The following CLIC5 variants were observed in gnomAD, a reference collection of about 807,000 sequenced individuals.
CLIC5 encodes the protein CLIC family member 5, also known as chloride intracellular channel protein 5.
In CLIC5, 20 loss-of-function variants were observed where a neutral mutation model predicts 24.7. The observed-to-expected ratio is 0.81, with a 90% CI of 0.57 to 1.18. The LOEUF is 1.18. Ranked by LOEUF, CLIC5 falls within the 50% of genes most tolerant of loss-of-function variation. The pLI is 0.00. For missense variants in CLIC5, 341 were observed against 326.1 expected (o/e 1.05, Z -0.35); for synonymous variants, 159 against 135.6 (o/e 1.17, Z -1.20).
chr6:46,091,058 T>C, the CLIC5 span, among the ~76,000 whole-genome samples: 2 of 152,226 alleles, frequency 1.3e-5, no homozygotes, highest in African/African-American at 2.4e-5. Flanking sequence ...CAGCGCGAAG[T>C]TGCTCTGAAC....
upstream of CLIC5, among the ~76,000 whole-genome samples, chr6:46,085,322 T>C (rs1383759466): frequency 1.3e-5 from 2 of 152,262 alleles, no homozygotes; most frequent in Admixed American, 1.3e-4. Context: ...GCTGAGGAAC[T>C]GCGTTCCTTT....
chr6:45,922,083 C>T (rs146130775), intron 4 of CLIC5, among the ~76,000 whole-genome samples: 98 of 152,316 alleles, frequency 6.4e-4, no homozygotes, highest in African/African-American at 2.3e-3. Flanking sequence ...ACTGTTCCCT[C>T]GTGTGGCGTC....
At chr6:46,076,218 TCTC>T (rs1581923013) in intron 1 of CLIC5, among the ~76,000 whole-genome samples, 2 of 152,136 alleles carry the variant, frequency 1.3e-5, no homozygotes, top group African/African-American at 4.8e-5. Flanking sequence ...TCCAGCCTCA[TCTC>T]CTACCACCTT....
chr6:46,089,439 G>A, the CLIC5 span, among the ~76,000 whole-genome samples: 6 of 152,014 alleles, frequency 3.9e-5, 1 homozygote, highest in Admixed American at 6.6e-5. Flanking sequence ...AGAACCCTAT[G>A]CAATAATGTT....
At chr6:46,066,870 A>T (rs950507405) in intron 1 of CLIC5, among the ~76,000 whole-genome samples, 1 of 152,160 alleles carries the variant, frequency 6.6e-6, no homozygotes, top group Non-Finnish European at 1.5e-5. Context: ...TGTTGTAGGC[A>T]GAGGTATCAG....
At chr6:45,962,842 C>T (rs1001735335) in intron 1 of CLIC5, among the ~76,000 whole-genome samples, 1 of 152,232 alleles carries the variant, frequency 6.6e-6, no homozygotes, top group Non-Finnish European at 1.5e-5. Context: ...AGGCTGCCTA[C>T]AACTTTGTAT....
rs56131491 is a variant in CLIC5 at position 45,949,404 on chromosome 6, G to T, written c.174-23C>A. ...TTTCTGTAGAGAGAGCAAGATTCAG[G>T]TGTTGGCTTACAGCAGGGTGCTTCC... On this transcript the variant is annotated intron_variant, in intron 2 of 5. Coordinates refer to ENST00000339561, the MANE Select transcript of CLIC5 (RefSeq NM_016929.5). 113,758 of 1,607,620 alleles carry T rather than the reference G, an allele frequency of 0.071. 4,507 individuals carry two copies. Among genetic ancestry groups the T allele is most frequent in the Non-Finnish European group, 0.081 (94,799 of 1,176,396 alleles).
intron 1 of CLIC5, among the ~76,000 whole-genome samples, chr6:46,001,035 C>A (rs987999038): frequency 2.0e-5 from 3 of 152,170 alleles, no homozygotes; most frequent in African/African-American, 7.2e-5. Context: ...GCATTTTTCT[C>A]CCACTCTGGA....
chr6:45,893,408 T>C (rs1485413839), intron 6 of CLIC5, among the ~76,000 whole-genome samples: 2 of 152,168 alleles, frequency 1.3e-5, no homozygotes, highest in Non-Finnish European at 1.5e-5. Flanking sequence ...TAATCTATGA[T>C]TTAAGACTGA....
At chr6:45,931,741 C>G (rs1166601178) in intron 4 of CLIC5, among the ~76,000 whole-genome samples, 1 of 152,224 alleles carries the variant, frequency 6.6e-6, no homozygotes, top group Admixed American at 6.5e-5. Flanking sequence ...TCACTGCGAC[C>G]TCTGCCTCCC....
chr6:46,020,981 A>G (rs1324042607), intron 1 of CLIC5, among the ~76,000 whole-genome samples: 2 of 151,872 alleles, frequency 1.3e-5, no homozygotes, highest in Admixed American at 1.3e-4. Flanking sequence ...GAATTCTACT[A>G]AACATTTTAG....
At chr6:46,109,059 G>C in the CLIC5 span, among the ~76,000 whole-genome samples, 1 of 151,930 alleles carries the variant, frequency 6.6e-6, no homozygotes, top group Admixed American at 6.6e-5. Flanking sequence ...ACATGTCTTA[G>C]GATATGTCAT....
intron 4 of CLIC5, among the ~76,000 whole-genome samples, chr6:45,922,648 G>A (rs898821500): frequency 2.0e-5 from 3 of 152,052 alleles, no homozygotes; most frequent in Non-Finnish European, 4.4e-5. Context: ...AAGGGAGGTA[G>A]GGACTCCAGA....
chr6:46,032,538 G>T (rs75467470), intron 1 of CLIC5, among the ~76,000 whole-genome samples: 2,736 of 152,254 alleles, frequency 0.018, 75 homozygotes, highest in African/African-American at 0.061. Flanking sequence ...AAAGGCCAAG[G>T]CATGCCAGCA....
In CLIC5 at chr6:45,914,351, A is replaced by G. The variant is rs770584485; in HGVS notation, c.465T>C (p.Pro155=). 1 of 1,606,100 alleles carries G rather than the reference A, an allele frequency of 6.2e-7. No individual in the cohort carries two copies. Among genetic ancestry groups the G allele is most frequent in the Non-Finnish European group, 8.5e-7 (1 of 1,174,100 alleles). The change falls in exon 5 of 6, where the codon CCT becomes CCC. Residue 155 remains proline, a synonymous_variant. Coordinates refer to ENST00000339561, the MANE Select transcript of CLIC5 (RefSeq NM_016929.5). ...TGTTGGCGTCAATCTCCTCTGGTAG[A>G]GGGGTGTTCAGGTAGTCATCCAATT... ...LKKLDDYLNT[P]LPEEIDANTC... is the part of the protein sequence containing the mutation.
At chr6:46,025,502 A>G (rs1297012276) in intron 1 of CLIC5, among the ~76,000 whole-genome samples, 1 of 152,202 alleles carries the variant, frequency 6.6e-6, no homozygotes, top group Non-Finnish European at 1.5e-5. Context: ...AGTCCCAAGT[A>G]TCTGCTTATA....
At position 45,902,983 on chromosome 6, in the gene CLIC5, TA is replaced by T; in HGVS notation, c.*104del. On this transcript the variant is annotated 3_prime_UTR_variant, in exon 6 of 6. Coordinates refer to ENST00000339561, the MANE Select transcript of CLIC5 (RefSeq NM_016929.5). Reference sequence around the variant, plus strand: ...ATACCAGCAAGATGAGGCTTGATTATAAAAAGTGCGCCTCAAGGCAGTGATA... The same window carrying T: ...ATACCAGCAAGATGAGGCTTGATTATAAAAGTGCGCCTCAAGGCAGTGATA... 7.9e-7 allele frequency: 1 copy of T among 1,271,618 alleles called. No homozygotes were observed. 78.8% of individuals were successfully genotyped at this position (1,271,618 alleles called of 1,614,324 possible).
intron 1 of CLIC5, among the ~76,000 whole-genome samples, chr6:45,997,524 AAAAG>A (rs1482384849): frequency 2.6e-5 from 4 of 152,054 alleles, no homozygotes; most frequent in Admixed American, 6.5e-5. Flanking sequence ...AAAAAAAAAA[AAAAG>A]AAAGCCAGTT....
intron 6 of CLIC5, among the ~76,000 whole-genome samples, chr6:45,882,107 G>T (rs1762268621): frequency 1.3e-5 from 2 of 152,136 alleles, no homozygotes; most frequent in African/African-American, 4.8e-5. Context: ...GGATCAAAAT[G>T]CACACTTGCG....
Sources: allele counts gnomAD v4.1 joint callset (sites outside exome capture counted in the v4.1 genomes callset), GRCh38; gene constraint gnomAD v4.1.1; transcripts MANE v1.5; gene names NCBI Gene and HGNC (gene_info 2026-07-23, HGNC 2026-07-21).